Variants in TAFA1 observed in about 807,000 individuals in gnomAD.
The protein encoded by TAFA1 is chemokine-like protein TAFA-1.
Under a neutral mutation model 18.5 loss-of-function variants are expected in TAFA1, and 4 were observed. That is an observed-to-expected ratio of 0.22 (90% CI 0.11 to 0.49). TAFA1 has a LOEUF of 0.49. Ranked by LOEUF, TAFA1 falls within the 20% of genes least tolerant of loss-of-function variation. The probability of loss-of-function intolerance (pLI) is 0.98; values close to 1 mark genes in which losing one functional copy is unlikely to be tolerated. For missense variants in TAFA1, 147 were observed against 169.0 expected (o/e 0.87, Z 0.72); for synonymous variants, 56 against 55.2 (o/e 1.01, Z -0.06).
chr3:68,195,905 G>A (rs968951885), intron 2 of TAFA1, among the ~76,000 whole-genome samples: 2 of 151,552 alleles, frequency 1.3e-5, no homozygotes, highest in African/African-American at 2.4e-5. Context: ...AAATGTTTAC[G>A]GCTGGAATCT....
chr3:68,522,641 G>A (rs368633883), intron 3 of TAFA1, among the ~76,000 whole-genome samples: 1 of 152,190 alleles, frequency 6.6e-6, no homozygotes, highest in Non-Finnish European at 1.5e-5. Flanking sequence ...TTGAGACCAG[G>A]AGTTCGAGAC....
chr3:68,344,722 G>C (rs1348787290), intron 2 of TAFA1, among the ~76,000 whole-genome samples: 2 of 152,042 alleles, frequency 1.3e-5, no homozygotes, highest in African/African-American at 4.8e-5. Context: ...ATAAGGAAGA[G>C]GATAGTTATA....
At chr3:68,374,526 A>C (rs1433071446) in intron 2 of TAFA1, among the ~76,000 whole-genome samples, 1 of 152,200 alleles carries the variant, frequency 6.6e-6, no homozygotes, top group Non-Finnish European at 1.5e-5. Flanking sequence ...CTGATTATAA[A>C]GGTTTTAACA....
chr3:68,036,571 C>T (rs1031700424), intron 2 of TAFA1, among the ~76,000 whole-genome samples: 2 of 152,108 alleles, frequency 1.3e-5, no homozygotes, highest in Admixed American at 1.3e-4. Context: ...GAGCCTGTCA[C>T]CTCTCTTTCA....
chr3:68,405,003 GA>G (rs1452454905), intron 2 of TAFA1, among the ~76,000 whole-genome samples: 2 of 151,780 alleles, frequency 1.3e-5, no homozygotes, highest in East Asian at 2.0e-4. Flanking sequence ...TTTTCCATTG[GA>G]AAAAAATTCC....
chr3:68,474,630 G>A lies in TAFA1; in HGVS notation c.259+57210G>A, dbSNP rs17047749. The stretch of plus-strand genomic sequence containing the variant: ...ACCAAGTTTACGTGAGAGTATAGCA[G>A]GTGCTGCATCTTGGTTTTATAAATC... On this transcript the variant is annotated intron_variant, in intron 3 of 4. Coordinates refer to ENST00000478136, the MANE Select transcript of TAFA1 (RefSeq NM_213609.4). 1.5e-4 allele frequency among the ~76,000 whole-genome samples: 23 copies of A among 152,304 alleles called. No individual in the cohort carries two copies. The East Asian group carries it at 3.5e-3, about 23-fold the overall frequency.
chr3:68,161,465 T>C (rs1458887650), intron 2 of TAFA1, among the ~76,000 whole-genome samples: 1 of 152,190 alleles, frequency 6.6e-6, no homozygotes, highest in Non-Finnish European at 1.5e-5. Context: ...TTAGAAACTC[T>C]AGGGCCCAGA....
chr3:68,168,876 A>T (rs1173350139), intron 2 of TAFA1, among the ~76,000 whole-genome samples: 1 of 152,174 alleles, frequency 6.6e-6, no homozygotes, highest in African/African-American at 2.4e-5. Flanking sequence ...TGCAATTTCT[A>T]CCTTCTCTGA....
At chr3:68,102,929 T>C (rs1479796830) in intron 2 of TAFA1, among the ~76,000 whole-genome samples, 1 of 152,184 alleles carries the variant, frequency 6.6e-6, no homozygotes, top group African/African-American at 2.4e-5. Flanking sequence ...ACCCAAATCA[T>C]GTTCTGGGTA....
intron 2 of TAFA1, among the ~76,000 whole-genome samples, chr3:68,332,114 C>T (rs567872536): frequency 5.3e-5 from 8 of 151,800 alleles, no homozygotes; most frequent in Admixed American, 1.3e-4. Context: ...CCGCCCGCCT[C>T]GGCCTCCCAA....
chr3:68,451,895 GAGA>G (rs1259739522), intron 3 of TAFA1, among the ~76,000 whole-genome samples: 1 of 152,176 alleles, frequency 6.6e-6, no homozygotes, highest in Non-Finnish European at 1.5e-5. Flanking sequence ...ACTTAAGTGG[GAGA>G]CCATACATTT....
intron 2 of TAFA1, among the ~76,000 whole-genome samples, chr3:68,283,374 A>T (rs549328594): frequency 5.0e-4 from 76 of 152,336 alleles, no homozygotes; most frequent in African/African-American, 1.7e-3. Context: ...GTTTTGGATT[A>T]TACACACCAA....
Position 68,544,579 on chromosome 3 carries a change from T to C in TAFA1, c.*76T>C. 6.9e-7 allele frequency: 1 copy of C among 1,445,246 alleles called. No homozygotes were observed. 89.5% of individuals were successfully genotyped at this position (1,445,246 alleles called of 1,614,324 possible). On this transcript the variant is annotated 3_prime_UTR_variant, in exon 5 of 5. Coordinates refer to ENST00000478136, the MANE Select transcript of TAFA1 (RefSeq NM_213609.4). ...TTGAGAATCTCAAACATCTCACATA[T>C]ATACAAGCCAAATGGATTTCTTACT...
chr3:68,314,866 A>G (rs763325805), intron 2 of TAFA1, among the ~76,000 whole-genome samples: 2 of 151,106 alleles, frequency 1.3e-5, no homozygotes, highest in Admixed American at 6.6e-5. Flanking sequence ...TTGACTTACC[A>G]TAGTTATTCT....
intron 2 of TAFA1, among the ~76,000 whole-genome samples, chr3:68,395,146 C>T (rs1303902091): frequency 6.6e-6 from 1 of 152,006 alleles, no homozygotes; most frequent in Admixed American, 6.6e-5. Context: ...TATAAACAAA[C>T]ACTTTTCAAA....
chr3:68,487,030 T>C (rs1404861957), intron 3 of TAFA1, among the ~76,000 whole-genome samples: 1 of 152,220 alleles, frequency 6.6e-6, no homozygotes, highest in African/African-American at 2.4e-5. Context: ...TTTTATCCTT[T>C]GAGATCCGAT....
chr3:68,193,342 T>A (rs2066372486), intron 2 of TAFA1, among the ~76,000 whole-genome samples: 1 of 151,834 alleles, frequency 6.6e-6, no homozygotes, highest in Non-Finnish European at 1.5e-5. Flanking sequence ...AATAAAGCAT[T>A]GTCCCCTAAC....
At chr3:68,536,471 G>A (rs548267524) in intron 3 of TAFA1, among the ~76,000 whole-genome samples, 4 of 152,254 alleles carry the variant, frequency 2.6e-5, no homozygotes, top group South Asian at 4.2e-4. Flanking sequence ...AGTAAAGAAC[G>A]AGGGTTCTCG....
intron 2 of TAFA1, among the ~76,000 whole-genome samples, chr3:68,269,382 G>A (rs2067616212): frequency 6.6e-6 from 1 of 152,146 alleles, no homozygotes; most frequent in Non-Finnish European, 1.5e-5. Context: ...CTTGAGCCAA[G>A]AGTTCAGGTT....
Sources: gnomAD v4.1 joint callset for allele counts (sites outside exome capture counted in the v4.1 genomes callset) on GRCh38, gnomAD v4.1.1 for gene constraint, MANE v1.5 for transcripts, NCBI Gene and HGNC (gene_info 2026-07-23, HGNC 2026-07-21) for gene names.